ARHGEF3: variants seen among roughly 807,000 people sequenced by gnomAD.
ARHGEF3 encodes 59.8 kDA protein.
A neutral mutation model predicts 63.2 loss-of-function variants in ARHGEF3; 28 were observed. That is an observed-to-expected ratio of 0.44 (90% CI 0.33 to 0.61). The LOEUF is 0.61. ARHGEF3 is among the 20% of genes least tolerant of loss of function. The probability of loss-of-function intolerance (pLI) is 0.03; values close to 1 mark genes in which losing one functional copy is unlikely to be tolerated. For synonymous variants in ARHGEF3, 266 were observed against 254.2 expected (o/e 1.05, Z -0.44); for missense variants, 533 against 659.3 (o/e 0.81, Z 2.10).
At chr3:57,014,879 G>A (rs966530352) in intron 2 of ARHGEF3, among the ~76,000 whole-genome samples, 6 of 151,952 alleles carry the variant, frequency 3.9e-5, no homozygotes, top group African/African-American at 1.4e-4. Context: ...TAGTCACGGG[G>A]TTTCACCGTG....
chr3:56,924,105 A>T (rs1418904046), intron 3 of ARHGEF3, among the ~76,000 whole-genome samples: 2 of 152,226 alleles, frequency 1.3e-5, no homozygotes, highest in Admixed American at 1.3e-4. Context: ...AACAAGAAGC[A>T]ATTATAAGCA....
At chr3:57,019,287 A>T (rs1214787165) in intron 2 of ARHGEF3, among the ~76,000 whole-genome samples, 1 of 152,270 alleles carries the variant, frequency 6.6e-6, no homozygotes, top group East Asian at 1.9e-4. Flanking sequence ...TCCTCCATGG[A>T]TGGACGCTTC....
chr3:56,802,008 G>A, upstream of ARHGEF3: 5 of 1,452,368 alleles, frequency 3.4e-6, no homozygotes, highest in Admixed American at 5.0e-5. Context: ...GTGGGGAGGG[G>A]GCGGGCCGCC....
chr3:56,998,692 T>C (rs1372310977), intron 2 of ARHGEF3, among the ~76,000 whole-genome samples: 1 of 152,204 alleles, frequency 6.6e-6, no homozygotes, highest in Non-Finnish European at 1.5e-5. Flanking sequence ...GTTTGACTTT[T>C]AATGCAAGCT....
At chr3:56,991,541 A>AT (rs1701745543) in intron 2 of ARHGEF3, among the ~76,000 whole-genome samples, 1 of 152,210 alleles carries the variant, frequency 6.6e-6, no homozygotes, top group South Asian at 2.1e-4. Context: ...AATTTGATAA[A>AT]TTGCAAAAAA....
At chr3:57,042,671 TATATATATATATATATATATATATATATA>T (rs1704245920) in intron 1 of ARHGEF3, among the ~76,000 whole-genome samples, 32 of 22,606 alleles carry the variant, frequency 1.4e-3, no homozygotes, top group African/African-American at 3.7e-3. Context: ...TATATATATA[TATATATATATATATATATATATATATATA>T]TTTTTTTTTT....
At chr3:57,041,428 C>G (rs989897069) in intron 1 of ARHGEF3, among the ~76,000 whole-genome samples, 1 of 152,196 alleles carries the variant, frequency 6.6e-6, no homozygotes, top group African/African-American at 2.4e-5. Flanking sequence ...CCATCTGATT[C>G]CAGAGCCCAT....
At chr3:57,000,197 C>A (rs542058014) in intron 2 of ARHGEF3, among the ~76,000 whole-genome samples, 1 of 152,272 alleles carries the variant, frequency 6.6e-6, no homozygotes, top group South Asian at 2.1e-4. Context: ...CACTTCTCTA[C>A]AAAGAGCGCC....
chr3:56,967,914 T>A (rs1483125996), intron 2 of ARHGEF3, among the ~76,000 whole-genome samples: 2 of 70,550 alleles, frequency 2.8e-5, no homozygotes, highest in African/African-American at 1.1e-4. Context: ...ATATTATATA[T>A]AATATATTAT....
At chr3:56,864,906 A>T (rs1255640176) in intron 4 of ARHGEF3, among the ~76,000 whole-genome samples, 1 of 152,192 alleles carries the variant, frequency 6.6e-6, no homozygotes, top group East Asian at 1.9e-4. Context: ...TTTGTCAAGA[A>T]CATGAGACCT....
intron 3 of ARHGEF3, among the ~76,000 whole-genome samples, chr3:56,910,098 C>T (rs1234109070): frequency 6.6e-6 from 1 of 152,182 alleles, no homozygotes; most frequent in Admixed American, 6.5e-5. Flanking sequence ...TTCGGGGTAG[C>T]TGTTACTCAG....
At chr3:56,749,793 C>T (rs542750022) in intron 6 of ARHGEF3, among the ~76,000 whole-genome samples, 1 of 152,196 alleles carries the variant, frequency 6.6e-6, no homozygotes, top group African/African-American at 2.4e-5. Context: ...GATATTTCAG[C>T]CTTGGTGCTA....
chr3:57,010,455 CAAAA>C (rs35833729), intron 2 of ARHGEF3, among the ~76,000 whole-genome samples: 1 of 50,980 alleles, frequency 2.0e-5, no homozygotes, highest in African/African-American at 6.8e-5. Context: ...GACTCCATCT[CAAAA>C]AAAAAAAAAA....
At chr3:56,906,865 G>T (rs1046554751) in intron 3 of ARHGEF3, among the ~76,000 whole-genome samples, 1 of 148,168 alleles carries the variant, frequency 6.7e-6, no homozygotes, top group African/African-American at 2.5e-5. Context: ...AAGAAAGAAA[G>T]AAATATACTG....
intron 3 of ARHGEF3, among the ~76,000 whole-genome samples, chr3:56,956,591 G>A (rs1484999368): frequency 6.6e-6 from 1 of 152,170 alleles, no homozygotes; most frequent in Non-Finnish European, 1.5e-5. Flanking sequence ...CATAGGTGGG[G>A]TAATCAATTG....
intron 1 of ARHGEF3, among the ~76,000 whole-genome samples, chr3:56,793,696 A>G (rs1026975059): frequency 6.6e-6 from 1 of 152,236 alleles, no homozygotes; most frequent in African/African-American, 2.4e-5. Context: ...TTCCTACTAG[A>G]GTGAACATTT....
intron 4 of ARHGEF3, among the ~76,000 whole-genome samples, chr3:56,818,092 G>A (rs980389574): frequency 1.3e-5 from 2 of 152,168 alleles, no homozygotes; most frequent in African/African-American, 4.8e-5. Context: ...GAGAGGTTAG[G>A]GATAAAAGAG....
intron 6 of ARHGEF3, among the ~76,000 whole-genome samples, chr3:56,748,658 G>T (rs888336939): frequency 2.0e-5 from 3 of 150,702 alleles, no homozygotes; most frequent in African/African-American, 7.3e-5. Context: ...AGCTTATAAA[G>T]TATTTCATCA....
chr3:56,770,478 T>C (rs2035946739), intron 2 of ARHGEF3, among the ~76,000 whole-genome samples: 1 of 152,022 alleles, frequency 6.6e-6, no homozygotes, highest in African/African-American at 2.4e-5. Flanking sequence ...AAATATAAAT[T>C]GGCACCTTCT....
Sources: allele counts gnomAD v4.1 joint callset (sites outside exome capture counted in the v4.1 genomes callset), GRCh38; gene constraint gnomAD v4.1.1; transcripts MANE v1.5; gene names NCBI Gene and HGNC (gene_info 2026-07-23, HGNC 2026-07-21).